COL24A1: variants seen among roughly 807,000 people sequenced by gnomAD.
COL24A1 encodes collagen alpha-1(XXIV) chain.
COL24A1 carries 224 observed loss-of-function variants against 253.9 expected under a neutral mutation model. The ratio of observed to expected loss-of-function variants is 0.88; its 90% confidence interval spans 0.79 to 0.99. The LOEUF (loss-of-function observed/expected upper bound fraction) is 0.99, where lower values mean the gene tolerates loss of function less well. Among genes scored for constraint, COL24A1 ranks in the 50% least tolerant of loss-of-function variants. COL24A1 has a pLI of 0.00. For synonymous variants in COL24A1, 685 were observed against 673.7 expected, an observed-to-expected ratio of 1.02 and a Z score of -0.26; for missense variants, 2,131 against 2,068.5, an observed-to-expected ratio of 1.03 and a Z score of -0.59.
At chr1:85,860,001 T>C (rs776317572) in intron 37 of COL24A1, among the ~76,000 whole-genome samples, 1 of 152,112 alleles carries the variant, frequency 6.6e-6, no homozygotes, top group Non-Finnish European at 1.5e-5. Flanking sequence ...ATCTATGTCA[T>C]GTTGATTGAG....
intron 24 of COL24A1, among the ~76,000 whole-genome samples, chr1:85,919,132 C>A (rs1409005410): frequency 1.3e-5 from 2 of 152,124 alleles, no homozygotes; most frequent in Non-Finnish European, 2.9e-5. Flanking sequence ...TCTCCGAATG[C>A]AGATAACATG....
At position 85,905,608 on chromosome 1, in the gene COL24A1, T is replaced by A. The variant is rs541689260; in HGVS notation, c.2778+1586A>T. Among the ~76,000 whole-genome samples the A allele has an allele frequency of 9.2e-5, 14 of 152,134 alleles. No homozygotes were observed. The South Asian group carries it at 2.9e-3, about 32-fold the overall frequency. Reference sequence around the variant, plus strand: ...TACTGGGTAAAAATTTTAAAAATGATGAGGAGCCATTTCGGGAGAGAATCA... The same window carrying A: ...TACTGGGTAAAAATTTTAAAAATGAAGAGGAGCCATTTCGGGAGAGAATCA... On this transcript the variant is annotated intron_variant, in intron 28 of 59. Transcript: ENST00000370571.
intron 55 of COL24A1, among the ~76,000 whole-genome samples, chr1:85,760,864 T>C (rs1382104906): frequency 6.6e-6 from 1 of 152,026 alleles, no homozygotes; most frequent in Non-Finnish European, 1.5e-5. Flanking sequence ...TCAGAGGGCA[T>C]GAGAATAGCA....
intron 12 of COL24A1, among the ~76,000 whole-genome samples, chr1:86,035,738 A>T (rs1274086702): frequency 6.6e-6 from 1 of 152,180 alleles, no homozygotes; most frequent in East Asian, 1.9e-4. Flanking sequence ...TTATATCTCA[A>T]TAAAGTTGTT....
rs375122186 is a variant in COL24A1, at chr1:85,836,972, G to T, written c.3681+1613C>A. 2.6e-5 allele frequency among the ~76,000 whole-genome samples: 4 copies of T among 152,280 alleles called. No homozygotes were observed. In the East Asian group the frequency reaches 7.7e-4, roughly 29 times the overall value. On this transcript the variant is annotated intron_variant, in intron 43 of 59. Transcript: ENST00000370571. The stretch of plus-strand genomic sequence containing the variant: ...CTGCTCATTTGCTGGTAAATATACT[G>T]ATTTAGCTACTGAATGTTCTGTAGC...
intron 6 of COL24A1, among the ~76,000 whole-genome samples, chr1:86,089,586 G>A (rs933584674): frequency 3.3e-5 from 5 of 152,166 alleles, no homozygotes; most frequent in South Asian, 2.1e-4. Context: ...TTGGGAGGCC[G>A]AGACAGGTGG....
chr1:85,975,266 T>C (rs1053739437), intron 20 of COL24A1, among the ~76,000 whole-genome samples: 3 of 152,136 alleles, frequency 2.0e-5, no homozygotes, highest in Non-Finnish European at 4.4e-5. Flanking sequence ...ACTGAGTATA[T>C]ATACCAAAGA....
At chr1:85,778,590 C>T (rs1668833845) in intron 52 of COL24A1, among the ~76,000 whole-genome samples, 1 of 146,330 alleles carries the variant, frequency 6.8e-6, no homozygotes, top group Non-Finnish European at 1.5e-5. Flanking sequence ...TGTTAGTTTT[C>T]TAGATTATTC....
chr1:86,013,256 G>C (rs529963169), intron 19 of COL24A1, among the ~76,000 whole-genome samples: 127 of 152,126 alleles, frequency 8.3e-4, no homozygotes, highest in African/African-American at 2.9e-3. Context: ...TATATATGTA[G>C]GTCTCATCAT....
intron 11 of COL24A1, 106 bp from the exon 12 acceptor site, chr1:86,046,975 C>A: frequency 4.0e-6 from 3 of 752,986 alleles, no homozygotes; most frequent in Middle Eastern, 2.5e-4. Flanking sequence ...AAGACAAAAA[C>A]AAATTGTTCT....
intron 7 of COL24A1, among the ~76,000 whole-genome samples, chr1:86,066,343 A>G (rs1369672158): frequency 7.1e-6 from 1 of 140,414 alleles, no homozygotes; most frequent in Non-Finnish European, 1.5e-5. Flanking sequence ...GGTTCGCGCC[A>G]TTCTCCTGCC....
intron 19 of COL24A1, among the ~76,000 whole-genome samples, chr1:86,013,368 C>T (rs558272921): frequency 7.2e-5 from 11 of 152,286 alleles, no homozygotes; most frequent in Admixed American, 7.2e-4. Flanking sequence ...AATTGCTACC[C>T]TCCTTTTGAA....
intron 47 of COL24A1, among the ~76,000 whole-genome samples, chr1:85,788,132 C>T (rs995648746): frequency 2.0e-5 from 3 of 151,836 alleles, no homozygotes; most frequent in African/African-American, 7.3e-5. Flanking sequence ...GCTCAGTCAC[C>T]CAGGCTGGAG....
At chr1:86,108,802 C>T (rs920052823) in intron 5 of COL24A1, among the ~76,000 whole-genome samples, 2 of 108,090 alleles carry the variant, frequency 1.9e-5, no homozygotes, top group African/African-American at 6.3e-5. Context: ...AGCAAAATTC[C>T]GTCTCAAAAA....
intron 53 of COL24A1, among the ~76,000 whole-genome samples, chr1:85,774,245 T>G (rs1157621956): frequency 6.6e-6 from 1 of 152,196 alleles, no homozygotes; most frequent in Non-Finnish European, 1.5e-5. Context: ...GGGTAAGCTT[T>G]TTGATGTACT....
intron 55 of COL24A1, among the ~76,000 whole-genome samples, chr1:85,756,085 A>G (rs898149112): frequency 2.8e-5 from 4 of 142,854 alleles, no homozygotes; most frequent in African/African-American, 1.0e-4. Flanking sequence ...AAAAAAGGCA[A>G]CCCAATTCAA....
chr1:85,941,288 A>G (rs1011004482), intron 24 of COL24A1, among the ~76,000 whole-genome samples: 3 of 152,180 alleles, frequency 2.0e-5, no homozygotes, highest in Non-Finnish European at 4.4e-5. Context: ...ACAAACTCAG[A>G]GTAAGAAAAT....
At chr1:85,975,988 C>A (rs553616506) in intron 20 of COL24A1, among the ~76,000 whole-genome samples, 1 of 152,160 alleles carries the variant, frequency 6.6e-6, no homozygotes, top group Non-Finnish European at 1.5e-5. Context: ...CCAAGGGAAG[C>A]CATCCTTGAC....
intron 42 of COL24A1, among the ~76,000 whole-genome samples, chr1:85,840,978 A>C (rs1325958619): frequency 6.6e-6 from 1 of 152,204 alleles, no homozygotes; most frequent in Non-Finnish European, 1.5e-5. Flanking sequence ...CAATGCAGAA[A>C]GTTAGATTTG....
Sources: gnomAD v4.1 joint callset for allele counts (sites outside exome capture counted in the v4.1 genomes callset) on GRCh38, gnomAD v4.1.1 for gene constraint, MANE v1.5 for transcripts, NCBI Gene and HGNC (gene_info 2026-07-23, HGNC 2026-07-21) for gene names.